PDSS2: variants seen among roughly 807,000 people sequenced by gnomAD.
PDSS2 encodes all trans-polyprenyl-diphosphate synthase PDSS2.
PDSS2 carries 31 observed loss-of-function variants against 44.5 expected under a neutral mutation model. The ratio of observed to expected loss-of-function variants is 0.70; its 90% confidence interval spans 0.52 to 0.94. The LOEUF is 0.94. Among genes scored for constraint, PDSS2 ranks in the 40% least tolerant of loss-of-function variants. The pLI is 0.00. For missense variants in PDSS2, 452 were observed against 482.2 expected, an observed-to-expected ratio of 0.94 and a Z score of 0.59; for synonymous variants, 157 against 180.3, an observed-to-expected ratio of 0.87 and a Z score of 1.03.
At chr6:107,379,851 G>A (rs1779403092) in intron 1 of PDSS2, among the ~76,000 whole-genome samples, 1 of 151,924 alleles carries the variant, frequency 6.6e-6, no homozygotes, top group African/African-American at 2.4e-5. Flanking sequence ...GGTGAAGTGA[G>A]TTAGGGCTAT....
intron 1 of PDSS2, among the ~76,000 whole-genome samples, chr6:107,399,833 C>CT (rs986686854): frequency 1.6e-4 from 24 of 151,336 alleles, no homozygotes; most frequent in South Asian, 1.0e-3. Flanking sequence ...TATCAGCAAT[C>CT]TTTTTTTTTC....
At chr6:107,278,092 G>A (rs910040109) in intron 2 of PDSS2, among the ~76,000 whole-genome samples, 1 of 151,706 alleles carries the variant, frequency 6.6e-6, no homozygotes, top group African/African-American at 2.4e-5. Flanking sequence ...ACAATTAAAA[G>A]AACAAATTGG....
intron 1 of PDSS2, among the ~76,000 whole-genome samples, chr6:107,368,673 G>A (rs1187597224): frequency 6.6e-6 from 1 of 152,026 alleles, no homozygotes; most frequent in Non-Finnish European, 1.5e-5. Context: ...GGGCAACATA[G>A]CAAGACCCCA....
intron 7 of PDSS2, among the ~76,000 whole-genome samples, chr6:107,161,251 C>T (rs557479237): frequency 1.2e-3 from 183 of 151,416 alleles, no homozygotes; most frequent in African/African-American, 4.0e-3. Flanking sequence ...GAAGCTGAGG[C>T]GGGCGGATCA....
chr6:107,371,111 T>C (rs1197405918), intron 1 of PDSS2, among the ~76,000 whole-genome samples: 1 of 150,966 alleles, frequency 6.6e-6, no homozygotes, highest in Non-Finnish European at 1.5e-5. Context: ...ACCCAGGAGG[T>C]AGAGGTTGGA....
intron 1 of PDSS2, among the ~76,000 whole-genome samples, chr6:107,422,921 A>T (rs182024250): frequency 2.0e-5 from 3 of 152,278 alleles, no homozygotes; most frequent in Non-Finnish European, 4.4e-5. Flanking sequence ...GAGATTTCAT[A>T]TATTACGATG....
chr6:107,285,924 G>A (rs921828384), intron 2 of PDSS2, among the ~76,000 whole-genome samples: 5 of 152,086 alleles, frequency 3.3e-5, no homozygotes, highest in Non-Finnish European at 5.9e-5. Context: ...TGGATCACCT[G>A]AGGTCAGGAA....
At chr6:107,170,441 G>A (rs377339915) in intron 7 of PDSS2, among the ~76,000 whole-genome samples, 3 of 152,116 alleles carry the variant, frequency 2.0e-5, no homozygotes, top group South Asian at 2.1e-4. Context: ...AGGCAATGCC[G>A]CACCCTGCTT....
In PDSS2 at chr6:107,154,368, A is replaced by G. The variant is rs1770808789; in HGVS notation, c.*251T>C. ...TGCTGAGGTCACAGGAGCGAATCTCATTAATTATTTCTGCGACTGCAGCCT... is the reference window on the plus strand; with the variant it reads ...TGCTGAGGTCACAGGAGCGAATCTCGTTAATTATTTCTGCGACTGCAGCCT... On this transcript the variant is annotated 3_prime_UTR_variant, in exon 8 of 8. Coordinates refer to ENST00000369037, the MANE Select transcript of PDSS2 (RefSeq NM_020381.4). 2.2e-6 allele frequency: 1 copy of G among 455,196 alleles called. No homozygotes were observed. The highest frequency in any genetic ancestry group is 4.5e-5 in the East Asian group (1 of 22,258). 28.2% of individuals were successfully genotyped at this position (455,196 alleles called of 1,614,324 possible).
chr6:107,273,306 G>C (rs1775666907), intron 3 of PDSS2, among the ~76,000 whole-genome samples: 1 of 151,536 alleles, frequency 6.6e-6, no homozygotes, highest in Non-Finnish European at 1.5e-5. Flanking sequence ...GATACAGTGA[G>C]ACCATGTCTC....
intron 1 of PDSS2, among the ~76,000 whole-genome samples, chr6:107,339,005 C>A (rs149179010): frequency 6.6e-6 from 1 of 151,810 alleles, no homozygotes; most frequent in African/African-American, 2.4e-5. Flanking sequence ...ATTACAGGGG[C>A]GAACCACTGA....
At chr6:107,431,351 T>C (rs1364288497) in intron 1 of PDSS2, among the ~76,000 whole-genome samples, 5 of 152,160 alleles carry the variant, frequency 3.3e-5, no homozygotes, top group Non-Finnish European at 7.4e-5. Flanking sequence ...TTCCCAGGCT[T>C]AAGTTATCCT....
intron 1 of PDSS2, among the ~76,000 whole-genome samples, chr6:107,357,755 A>G (rs907402316): frequency 1.3e-5 from 2 of 152,162 alleles, no homozygotes; most frequent in African/African-American, 4.8e-5. Context: ...TGTTTCATCT[A>G]TAAACAATGA....
intron 7 of PDSS2, among the ~76,000 whole-genome samples, chr6:107,155,193 T>G (rs1204727613): frequency 6.6e-6 from 1 of 150,480 alleles, no homozygotes; most frequent in Non-Finnish European, 1.5e-5. Flanking sequence ...TCGCCCAGGA[T>G]GGAGTGCAGT....
At chr6:107,366,516 A>G (rs534397599) in intron 1 of PDSS2, among the ~76,000 whole-genome samples, 2 of 152,164 alleles carry the variant, frequency 1.3e-5, no homozygotes, top group South Asian at 4.1e-4. Flanking sequence ...TAAAGTTTAC[A>G]GTGAATATCA....
At chr6:107,247,353 C>A (rs1774655982) in intron 3 of PDSS2, among the ~76,000 whole-genome samples, 1 of 152,176 alleles carries the variant, frequency 6.6e-6, no homozygotes, top group Non-Finnish European at 1.5e-5. Context: ...CAGAGTGTTC[C>A]TTTACTTCCC....
chr6:107,396,678 CTTTTTTTT>C (rs950671310), intron 1 of PDSS2, among the ~76,000 whole-genome samples: 1 of 79,358 alleles, frequency 1.3e-5, no homozygotes, highest in African/African-American at 4.4e-5. Context: ...CTTCTTTTTT[CTTTTTTTT>C]TTTTTTTTTT....
chr6:107,287,140 C>A (rs575096195), intron 2 of PDSS2, among the ~76,000 whole-genome samples: 3 of 152,184 alleles, frequency 2.0e-5, no homozygotes, highest in Non-Finnish European at 2.9e-5. Context: ...CAAGAAGATA[C>A]AGTTTTGGTG....
chr6:107,245,473 G>C, intron 4 of PDSS2, 75 bp downstream of exon 4: 1 of 157,244 alleles, frequency 6.4e-6, no homozygotes, highest in East Asian at 1.9e-4. Context: ...CACAAAACAA[G>C]AATGACATTT....
Sources: gnomAD v4.1 joint callset for allele counts (sites outside exome capture counted in the v4.1 genomes callset) on GRCh38, gnomAD v4.1.1 for gene constraint, MANE v1.5 for transcripts, NCBI Gene and HGNC (gene_info 2026-07-23, HGNC 2026-07-21) for gene names.